IGFBP2: variants seen among roughly 807,000 people sequenced by gnomAD.
IGFBP2 encodes insulin like growth factor binding protein 2.
In IGFBP2, 12 loss-of-function variants were observed where a neutral mutation model predicts 26.2. The ratio of observed to expected loss-of-function variants is 0.46; its 90% CI spans 0.29 to 0.74. The LOEUF is 0.74. Ranked by LOEUF, IGFBP2 falls within the 30% of genes least tolerant of loss-of-function variation. The probability of loss-of-function intolerance (pLI) is 0.09; values close to 1 mark genes in which losing one functional copy is unlikely to be tolerated. For synonymous variants in IGFBP2, 189 were observed against 200.6 expected (o/e 0.94, Z 0.49); for missense variants, 328 against 441.2 (o/e 0.74, Z 2.30).
chr2:216,657,191 G>T (rs1697936491), intron 1 of IGFBP2, among the ~76,000 whole-genome samples: 1 of 152,312 alleles, frequency 6.6e-6, no homozygotes, highest in African/African-American at 2.4e-5. Flanking sequence ...TGTCTGCAGA[G>T]GGCAGGGGCA....
At chr2:216,658,310 C>T (rs897155129) in intron 1 of IGFBP2, among the ~76,000 whole-genome samples, 2 of 152,136 alleles carry the variant, frequency 1.3e-5, no homozygotes, top group South Asian at 2.1e-4. Context: ...AGATGATTCT[C>T]CCCTCATCTT....
intron 1 of IGFBP2, among the ~76,000 whole-genome samples, chr2:216,645,249 A>G (rs946312377): frequency 6.6e-6 from 1 of 152,210 alleles, no homozygotes; most frequent in Non-Finnish European, 1.5e-5. Context: ...GGGGTAGGAC[A>G]GGTTTACTGG....
intron 3 of IGFBP2, chr2:216,662,742 T>C (rs2003589): frequency 0.12 from 17,557 of 149,604 alleles, 2,068 homozygotes; most frequent in African/African-American, 0.31. Context: ...TGCAGTGGCG[T>C]GATCTCAGCT....
Position 216,641,514 on chromosome 2 carries a change from T to C in IGFBP2, c.442+7549T>C, listed in dbSNP as rs141605938. On this transcript the variant is annotated intron_variant, in intron 1 of 3. Coordinates refer to ENST00000233809, the MANE Select transcript of IGFBP2 (RefSeq NM_000597.3). ...CCATCTCTTCACCTATGAATGGAAATATCCATACCTCTCCAACCTACTTTC... is the reference window on the plus strand; with the variant it reads ...CCATCTCTTCACCTATGAATGGAAACATCCATACCTCTCCAACCTACTTTC... Among the ~76,000 whole-genome samples, 390 of 152,300 alleles carry C rather than the reference T, an allele frequency of 2.6e-3. 2 individuals are homozygous for C. The highest frequency in any genetic ancestry group is 9.1e-3 in the African/African-American group (380 of 41,552).
intron 1 of IGFBP2, among the ~76,000 whole-genome samples, chr2:216,639,721 C>T (rs1697575236): frequency 1.3e-5 from 2 of 152,148 alleles, no homozygotes; most frequent in Non-Finnish European, 2.9e-5. Flanking sequence ...CGGTTCACGG[C>T]AACCTCTGCC....
chr2:216,645,916 C>T (rs1697702191), intron 1 of IGFBP2, among the ~76,000 whole-genome samples: 1 of 152,162 alleles, frequency 6.6e-6, no homozygotes, highest in South Asian at 2.1e-4. Flanking sequence ...GTTAGGACTC[C>T]CACTTGAGGC....
intron 2 of IGFBP2, 98 bp downstream of exon 2, chr2:216,660,884 AC>A: frequency 1.1e-6 from 1 of 896,996 alleles, no homozygotes; most frequent in Non-Finnish European, 1.7e-6. Context: ...ATCTGGTGTG[AC>A]CTGTAGGCAA....
chr2:216,656,398 A>G (rs1313613493), intron 1 of IGFBP2, among the ~76,000 whole-genome samples: 2 of 152,166 alleles, frequency 1.3e-5, no homozygotes, highest in Non-Finnish European at 2.9e-5. Flanking sequence ...TAGTGGAGCT[A>G]GATTTGCTTT....
intron 3 of IGFBP2, chr2:216,662,277 G>A (rs1423884153): frequency 2.1e-6 from 1 of 484,844 alleles, no homozygotes; most frequent in South Asian, 2.3e-5. Flanking sequence ...GAGAAGGGAA[G>A]TGGCTTAAAC....
chr2:216,645,265 A>G (rs1488254777), intron 1 of IGFBP2, among the ~76,000 whole-genome samples: 1 of 152,210 alleles, frequency 6.6e-6, no homozygotes, highest in East Asian at 1.9e-4. Context: ...ACTGGATCAA[A>G]GAGGCTTTTG....
At chr2:216,638,972 A>C (rs1410737512) in intron 1 of IGFBP2, among the ~76,000 whole-genome samples, 1 of 140,686 alleles carries the variant, frequency 7.1e-6, no homozygotes, top group Admixed American at 7.2e-5. Flanking sequence ...AGTGCTGGGG[A>C]TTACAGGCAT....
At position 216,660,761 on chromosome 2, in the gene IGFBP2, A is replaced by G; in HGVS notation, c.647A>G (p.Lys216Arg). 1.2e-6 allele frequency: 2 copies of G among 1,600,560 alleles called. No homozygotes were observed. The highest frequency in any genetic ancestry group is 1.7e-6 in the Non-Finnish European group (2 of 1,174,218). ...CATCACCTTGGCCTGGAGGAGCCCA[A>G]GAAGCTGCGACCACCCCCTGCCAGG... is the stretch of plus-strand genomic sequence containing the variant. ...GKHHLGLEEP[K>R]KLRPPPARTP... is the part of the protein sequence containing the mutation. Residue 216 changes from lysine (K) to arginine (R), a missense_variant, in exon 2 of 4, where the codon AAG (lysine) becomes AGG (arginine). Lys to Arg is a conservative substitution (Grantham distance 26, BLOSUM62 2). Coordinates refer to ENST00000233809, the MANE Select transcript of IGFBP2 (RefSeq NM_000597.3).
chr2:216,639,862 C>G (rs939951179), intron 1 of IGFBP2, among the ~76,000 whole-genome samples: 1 of 152,028 alleles, frequency 6.6e-6, no homozygotes, highest in Admixed American at 6.5e-5. Context: ...AGGCTGGTCT[C>G]GAACTCTGGA....
At chr2:216,647,123 G>A (rs765795275) in intron 1 of IGFBP2, among the ~76,000 whole-genome samples, 1 of 152,194 alleles carries the variant, frequency 6.6e-6, no homozygotes, top group Non-Finnish European at 1.5e-5. Flanking sequence ...GCTTAACCAA[G>A]TCTCTTGGGA....
intron 1 of IGFBP2, among the ~76,000 whole-genome samples, chr2:216,649,980 T>G (rs1305198723): frequency 6.6e-6 from 1 of 152,222 alleles, no homozygotes; most frequent in Non-Finnish European, 1.5e-5. Flanking sequence ...TGGATGAGCT[T>G]ACAAGGCTGT....
rs529903550 is a variant in IGFBP2, at chr2:216,636,275, A to AC, written c.442+2317dup. Reference sequence around the variant, plus strand: ...CTTCTCTCCTCTCCGAAGAATGAGCACCCCCCCTCCAGCCTGCATTCCTCT... The same window carrying AC: ...CTTCTCTCCTCTCCGAAGAATGAGCACCCCCCCCTCCAGCCTGCATTCCTCT... On this transcript the variant is annotated intron_variant, in intron 1 of 3. Coordinates refer to ENST00000233809, the MANE Select transcript of IGFBP2 (RefSeq NM_000597.3). Among the ~76,000 whole-genome samples the AC allele has an allele frequency of 3.0e-3, 461 of 151,162 alleles. 4 individuals carry two copies. Among genetic ancestry groups the AC allele is most frequent in the African/African-American group, 0.01 (421 of 41,138 alleles).
At chr2:216,658,383 G>A (rs1697958631) in intron 1 of IGFBP2, among the ~76,000 whole-genome samples, 1 of 152,046 alleles carries the variant, frequency 6.6e-6, no homozygotes, top group Non-Finnish European at 1.5e-5. Context: ...GATGTTCAGA[G>A]CTTATTTTCC....
At chr2:216,636,946 G>A (rs1697510326) in intron 1 of IGFBP2, among the ~76,000 whole-genome samples, 1 of 150,704 alleles carries the variant, frequency 6.6e-6, no homozygotes, top group South Asian at 2.1e-4. Context: ...CGGGCGGGCG[G>A]GCGGGCCTGG....
chr2:216,651,491 T>G (rs1697824381), intron 1 of IGFBP2, among the ~76,000 whole-genome samples: 1 of 152,258 alleles, frequency 6.6e-6, no homozygotes, highest in African/African-American at 2.4e-5. Context: ...CTAAATTCTG[T>G]AAACAAAGTT....
Sources: allele counts gnomAD v4.1 joint callset (sites outside exome capture counted in the v4.1 genomes callset), GRCh38; gene constraint gnomAD v4.1.1; transcripts MANE v1.5; gene names NCBI Gene and HGNC (gene_info 2026-07-23, HGNC 2026-07-21).